Variants in PCDH15 observed in about 807,000 individuals in gnomAD.
PCDH15 encodes protocadherin related 15.
PCDH15 carries 129 observed loss-of-function variants against 178.5 expected under a neutral mutation model. The ratio of observed to expected loss-of-function variants is 0.72; its 90% CI spans 0.63 to 0.84. PCDH15 has a LOEUF of 0.84. Ranked by LOEUF, PCDH15 falls within the 40% of genes least tolerant of loss-of-function variation. PCDH15 has a pLI of 0.00. For synonymous variants in PCDH15, 800 were observed against 732.0 expected (o/e 1.09, Z -1.50); for missense variants, 2,230 against 2,099.9 (o/e 1.06, Z -1.21).
chr10:53,827,914 A>G (rs1035773943), intron 31 of PCDH15, among the ~76,000 whole-genome samples: 3 of 152,210 alleles, frequency 2.0e-5, no homozygotes, highest in African/African-American at 7.2e-5. Context: ...AAGATAAGAT[A>G]GATAATTTTT....
chr10:54,521,408 C>T (rs1185667160), intron 3 of PCDH15, among the ~76,000 whole-genome samples: 1 of 151,864 alleles, frequency 6.6e-6, no homozygotes, highest in African/African-American at 2.4e-5. Flanking sequence ...TTGCCTGTCC[C>T]GAAGTATTAA....
At chr10:54,477,195 G>C (rs2078336570) in intron 3 of PCDH15, among the ~76,000 whole-genome samples, 1 of 152,048 alleles carries the variant, frequency 6.6e-6, no homozygotes, top group South Asian at 2.1e-4. Flanking sequence ...CTACAAAATA[G>C]TTCATGCAAA....
chr10:55,614,020 G>A (rs1482847544), intron 2 of PCDH15, among the ~76,000 whole-genome samples: 2 of 151,748 alleles, frequency 1.3e-5, no homozygotes, highest in Non-Finnish European at 2.9e-5. Context: ...AGGCTGAGGT[G>A]GGAGAATGGC....
At chr10:55,021,668 CTGT>C (rs1479710290) in intron 2 of PCDH15, among the ~76,000 whole-genome samples, 1 of 152,112 alleles carries the variant, frequency 6.6e-6, no homozygotes, top group African/African-American at 2.4e-5. Context: ...AAATGTCTGG[CTGT>C]TGTTGTAGAT....
intron 6 of PCDH15, among the ~76,000 whole-genome samples, chr10:54,335,926 T>A (rs1941011535): frequency 6.6e-6 from 1 of 152,070 alleles, no homozygotes; most frequent in Non-Finnish European, 1.5e-5. Flanking sequence ...CCTAGAGACT[T>A]TTTCATTGGC....
At chr10:54,853,338 T>TAC (rs1375903495) in intron 3 of PCDH15, among the ~76,000 whole-genome samples, 1 of 123,750 alleles carries the variant, frequency 8.1e-6, no homozygotes, top group Admixed American at 9.7e-5. Context: ...CACATATACA[T>TAC]ATATATACAT....
chr10:55,085,702 A>C (rs936976565), intron 2 of PCDH15, among the ~76,000 whole-genome samples: 1 of 152,016 alleles, frequency 6.6e-6, no homozygotes, highest in Non-Finnish European at 1.5e-5. Context: ...TGAGATTTTC[A>C]TATATATAGT....
At chr10:53,905,362 C>T in intron 25 of PCDH15, 1 of 430,480 alleles carries the variant, frequency 2.3e-6, no homozygotes, top group Non-Finnish European at 4.7e-6. Context: ...GAGATGGAGT[C>T]TCCCTCTGTC....
intron 25 of PCDH15, among the ~76,000 whole-genome samples, chr10:53,923,089 AAAAACAAAAC>A (rs745768349): frequency 1.3e-5 from 2 of 152,292 alleles, no homozygotes; most frequent in African/African-American, 4.8e-5. Flanking sequence ...TCCGTCTCAA[AAAAACAAAAC>A]AAAACAAAAC....
At chr10:55,618,821 C>A (rs1843529498) in intron 2 of PCDH15, among the ~76,000 whole-genome samples, 1 of 151,890 alleles carries the variant, frequency 6.6e-6, no homozygotes, top group Non-Finnish European at 1.5e-5. Flanking sequence ...AGATATCAAC[C>A]CATTAAGATC....
intron 13 of PCDH15, among the ~76,000 whole-genome samples, chr10:54,161,008 G>A (rs191825134): frequency 1.1e-4 from 16 of 152,092 alleles, no homozygotes; most frequent in East Asian, 7.8e-4. Flanking sequence ...AGCACTTTTC[G>A]TAAGATATCT....
chr10:55,500,350 AT>A (rs150360408), intron 2 of PCDH15, among the ~76,000 whole-genome samples: 18,792 of 151,724 alleles, frequency 0.12, 1,226 homozygotes, highest in Middle Eastern at 0.21. Context: ...ATATTATCTT[AT>A]TTTTTAGATT....
intron 2 of PCDH15, among the ~76,000 whole-genome samples, chr10:54,582,100 C>T (rs910453163): frequency 6.6e-6 from 1 of 151,854 alleles, no homozygotes; most frequent in Non-Finnish European, 1.5e-5. Context: ...AGAGTTTGCA[C>T]AGCAATATAA....
chr10:54,180,084 C>T (rs1016205993), intron 13 of PCDH15, among the ~76,000 whole-genome samples: 1 of 152,136 alleles, frequency 6.6e-6, no homozygotes, highest in Non-Finnish European at 1.5e-5. Context: ...TTATCTCATG[C>T]AGTAATTTTC....
At chr10:54,607,319 T>C (rs1051157373) in intron 2 of PCDH15, among the ~76,000 whole-genome samples, 1 of 152,104 alleles carries the variant, frequency 6.6e-6, no homozygotes, top group African/African-American at 2.4e-5. Flanking sequence ...TGATATAAAA[T>C]CTTCTAAATT....
chr10:54,783,996 C>A (rs1158020479), intron 1 of PCDH15, among the ~76,000 whole-genome samples: 1 of 151,634 alleles, frequency 6.6e-6, no homozygotes, highest in Non-Finnish European at 1.5e-5. Context: ...GGAAACAAGG[C>A]ACCTTTTTCA....
intron 21 of PCDH15, among the ~76,000 whole-genome samples, chr10:53,991,971 A>G (rs886808521): frequency 6.6e-6 from 1 of 151,882 alleles, no homozygotes; most frequent in East Asian, 1.9e-4. Flanking sequence ...GTCCCCTTCC[A>G]CCCTGTGGAA....
At chr10:54,360,934 A>G (rs1173044314) in intron 5 of PCDH15, among the ~76,000 whole-genome samples, 1 of 152,130 alleles carries the variant, frequency 6.6e-6, no homozygotes, top group Non-Finnish European at 1.5e-5. Flanking sequence ...TCTTGCTGTT[A>G]TATGGGATTT....
In PCDH15 at chr10:54,195,685, C is replaced by T. The variant is rs752256957; in HGVS notation, c.1303G>A (p.Asp435Asn). The T allele has an allele frequency of 1.2e-6, 2 of 1,611,820 alleles. No individual in the cohort carries two copies. Among genetic ancestry groups the T allele is most frequent in the Non-Finnish European group, 1.7e-6 (2 of 1,178,180 alleles). ...RIVALDKDIE[D>N]TKDPELHLFL... Reference sequence around the variant, plus strand: ...AGCAAAATATGTATTTAACTTACATCTTCTATGTCCTTGTCCAGAGCTACT... The same window carrying T: ...AGCAAAATATGTATTTAACTTACATTTTCTATGTCCTTGTCCAGAGCTACT... The change falls in exon 11 of 38, where the codon GAT becomes AAT. Residue 435 changes from aspartate to asparagine, a missense_variant and splice_region_variant. By Grantham distance (23) the Asp-to-Asn change is conservative. Transcript: ENST00000644397.
Sources: gnomAD v4.1 joint callset for allele counts (sites outside exome capture counted in the v4.1 genomes callset) on GRCh38, gnomAD v4.1.1 for gene constraint, MANE v1.5 for transcripts, NCBI Gene and HGNC (gene_info 2026-07-23, HGNC 2026-07-21) for gene names.